MYCBP2: variants seen among roughly 807,000 people sequenced by gnomAD.
The protein encoded by MYCBP2 is E3 ubiquitin-protein ligase MYCBP2.
In MYCBP2, 120 loss-of-function variants were observed where a neutral mutation model predicts 525.3. The observed-to-expected ratio is 0.23, with a 90% confidence interval of 0.20 to 0.27. MYCBP2 has a LOEUF of 0.27. Ranked by LOEUF, MYCBP2 falls within the 10% of genes least tolerant of loss-of-function variation. MYCBP2 has a pLI of 1.00. For missense variants in MYCBP2, 4,149 were observed against 5,657.1 expected (o/e 0.73, Z 8.55); for synonymous variants, 1,894 against 1,955.8 (o/e 0.97, Z 0.83).
chr13:77,053,513 C>T (rs1478994972), intron 80 of MYCBP2, among the ~76,000 whole-genome samples: 1 of 152,204 alleles, frequency 6.6e-6, no homozygotes, highest in Non-Finnish European at 1.5e-5. Flanking sequence ...ACCAGCTAAA[C>T]CTAACCCTGG....
intron 13 of MYCBP2, among the ~76,000 whole-genome samples, chr13:77,259,091 C>G (rs1160915805): frequency 6.6e-6 from 1 of 152,034 alleles, no homozygotes; most frequent in Admixed American, 6.6e-5. Flanking sequence ...CTCGTCTCTA[C>G]TAAAAATACA....
Position 77,211,974 on chromosome 13 carries a change from C to A in MYCBP2, c.3244G>T (p.Ala1082Ser). The A allele has an allele frequency of 6.2e-7, 1 of 1,613,822 alleles. No individual in the cohort carries two copies. Among genetic ancestry groups the A allele is most frequent in the Non-Finnish European group, 8.5e-7 (1 of 1,179,832 alleles). ...SHVLATSEIF[A>S]SKHIIGLVPA... Reference sequence around the variant, plus strand: ...GTATTACCTATTATGTGTTTACTGGCAAAAATTTCTGATGTAGCAAGTACA... The same window carrying A: ...GTATTACCTATTATGTGTTTACTGGAAAAAATTTCTGATGTAGCAAGTACA... The change falls in exon 22 of 83, where the codon GCC becomes TCC. Residue 1082 changes from alanine (A) to serine (S), a missense_variant. Around this residue, in one of 21 missense-constraint regions of MYCBP2, gnomAD observed 620 missense variants for 795.5 expected, o/e 0.78. Coordinates refer to ENST00000544440, the MANE Select transcript of MYCBP2 (RefSeq NM_015057.5).
intron 52 of MYCBP2, among the ~76,000 whole-genome samples, chr13:77,127,323 C>T (rs559189412): frequency 2.6e-5 from 4 of 151,746 alleles, no homozygotes; most frequent in Non-Finnish European, 5.9e-5. Flanking sequence ...ATGAAAGAAC[C>T]TTCCCTAAAT....
chr13:77,225,578 T>C, intron 18 of MYCBP2, 24 bp from the exon 19 acceptor site: 1 of 1,612,356 alleles, frequency 6.2e-7, no homozygotes, highest in Non-Finnish European at 8.5e-7. Context: ...AATTTGTGAA[T>C]TATGATTAAG....
In MYCBP2 at chr13:77,313,970, T is replaced by C. The variant is rs561233921; in HGVS notation, c.302+12504A>G. Reference sequence around the variant, plus strand: ...AAAACGAGATTCTACTACACACCTATCAGAATGGCCAAAATCCAGAACATA... The same window carrying C: ...AAAACGAGATTCTACTACACACCTACCAGAATGGCCAAAATCCAGAACATA... On this transcript the variant is annotated intron_variant, in intron 1 of 82. Coordinates refer to ENST00000544440, the MANE Select transcript of MYCBP2 (RefSeq NM_015057.5). 1.3e-4 allele frequency among the ~76,000 whole-genome samples: 20 copies of C among 151,976 alleles called. No individual in the cohort carries two copies. In the South Asian group the frequency reaches 3.9e-3, roughly 30 times the overall value.
intron 3 of MYCBP2, among the ~76,000 whole-genome samples, chr13:77,284,458 G>A (rs937900650): frequency 2.0e-5 from 3 of 152,186 alleles, no homozygotes; most frequent in East Asian, 3.9e-4. Flanking sequence ...GACTAATTTC[G>A]TCCTCAGTGT....
intron 1 of MYCBP2, among the ~76,000 whole-genome samples, chr13:77,323,371 AACTC>A (rs1225630000): frequency 6.6e-6 from 1 of 152,196 alleles, no homozygotes; most frequent in Non-Finnish European, 1.5e-5. Context: ...ATTGACTGAT[AACTC>A]ACTCATCATG....
At chr13:77,047,261 C>T (rs1448329464) in intron 82 of MYCBP2, among the ~76,000 whole-genome samples, 2 of 152,030 alleles carry the variant, frequency 1.3e-5, no homozygotes, top group Non-Finnish European at 2.9e-5. Flanking sequence ...GAGGCAGAAA[C>T]GATTATCCTC....
Position 77,256,576 on chromosome 13 carries a change from A to G in MYCBP2, c.2176+1095T>C, listed in dbSNP as rs190744833. ...ATTAAAAAATGTGAAAAAGTTCTGA[A>G]TAGACATTTTTCAAAAGTAGACATA... On this transcript the variant is annotated intron_variant, in intron 14 of 82. Coordinates refer to ENST00000544440, the MANE Select transcript of MYCBP2 (RefSeq NM_015057.5). 4.6e-3 allele frequency among the ~76,000 whole-genome samples: 705 copies of G among 152,226 alleles called. 3 individuals are homozygous for G. The highest frequency in any genetic ancestry group is 9.4e-3 in the Admixed American group (144 of 15,282).
Position 77,051,013 on chromosome 13 carries a change from T to C in MYCBP2, c.13905A>G (p.Leu4635=). The change falls in exon 82 of 83, where the codon CTA becomes CTG. Residue 4635 remains leucine (L), a synonymous_variant. Transcript: ENST00000544440. The part of the protein sequence containing the change: ...QRMTSIPKEE[L]PHCPAGPKGK... ...AAAGCATACCTGCAGGACAGTGTGG[T>C]AGTTCTTCCTTAGGAATGCTAGTCA... 6.2e-7 allele frequency: 1 copy of C among 1,612,624 alleles called. No individual in the cohort carries two copies. The highest frequency in any genetic ancestry group is 8.5e-7 in the Non-Finnish European group (1 of 1,179,478).
chr13:77,052,610 T>G (rs573619007), intron 80 of MYCBP2, among the ~76,000 whole-genome samples: 11 of 152,368 alleles, frequency 7.2e-5, no homozygotes, highest in Non-Finnish European at 1.5e-4. Context: ...TATTAAGTAG[T>G]AAAAGCTATG....
At chr13:77,267,615 G>A (rs974269435) in intron 8 of MYCBP2, among the ~76,000 whole-genome samples, 2 of 151,938 alleles carry the variant, frequency 1.3e-5, no homozygotes, top group East Asian at 1.9e-4. Flanking sequence ...GGCCATAGAC[G>A]GCCAAGTTTG....
chr13:77,088,366 G>A (rs1355282813), intron 61 of MYCBP2, among the ~76,000 whole-genome samples: 2 of 151,894 alleles, frequency 1.3e-5, no homozygotes, highest in Non-Finnish European at 2.9e-5. Context: ...GAAGTGGTAG[G>A]TTATTTATCA....
chr13:77,059,477 C>T (rs1185295769), intron 77 of MYCBP2, 46 bp downstream of exon 77: 3 of 1,402,966 alleles, frequency 2.1e-6, no homozygotes, highest in Admixed American at 3.4e-5. Context: ...AAAGGTGTCA[C>T]AGGGGAACAT....
At chr13:77,110,573 C>A (rs2048651641) in intron 55 of MYCBP2, among the ~76,000 whole-genome samples, 1 of 152,098 alleles carries the variant, frequency 6.6e-6, no homozygotes, top group Non-Finnish European at 1.5e-5. Flanking sequence ...ATCTTTGTGA[C>A]CTACTCCCTG....
chr13:77,108,066 G>A (rs1004173322), intron 55 of MYCBP2, among the ~76,000 whole-genome samples: 1 of 152,094 alleles, frequency 6.6e-6, no homozygotes, highest in Admixed American at 6.6e-5. Flanking sequence ...AAAGAATCAT[G>A]CTAATAGAAT....
intron 26 of MYCBP2, 125 bp downstream of exon 26, chr13:77,205,131 A>G: frequency 1.3e-6 from 1 of 783,806 alleles, no homozygotes. Context: ...TTTAAAAAGA[A>G]GCATTAAAAA....
rs2061304371 is a variant in MYCBP2 at position 77,191,583 on chromosome 13, G to A, written c.4070+96C>T. The A allele has an allele frequency of 2.1e-6, 3 of 1,411,954 alleles. No individual in the cohort carries two copies. In the Admixed American group the frequency reaches 6.6e-5, roughly 31 times the overall value. 87.5% of individuals were successfully genotyped at this position (1,411,954 alleles called of 1,614,324 possible). On this transcript the variant is annotated intron_variant, in intron 28 of 82. Coordinates refer to ENST00000544440, the MANE Select transcript of MYCBP2 (RefSeq NM_015057.5). Reference sequence around the variant, plus strand: ...TTATATTATGCTCTAGTCTTCCTAAGCTTTTGAATCCTGCTGAAAGTACTC... The same window carrying A: ...TTATATTATGCTCTAGTCTTCCTAAACTTTTGAATCCTGCTGAAAGTACTC...
chr13:77,283,047 CGGAGTACAAAGTTACTTACTAACT>C (rs2076363014), intron 3 of MYCBP2, among the ~76,000 whole-genome samples: 3 of 151,942 alleles, frequency 2.0e-5, no homozygotes, highest in South Asian at 4.2e-4. Flanking sequence ...CCTTACTAAC[CGGAGTACAAAGTTACTTACTAACT>C]GGAGTACAAA....
Sources: allele counts gnomAD v4.1 joint callset (sites outside exome capture counted in the v4.1 genomes callset), GRCh38; gene constraint gnomAD v4.1.1; regional missense constraint gnomAD v4.1.1; transcripts MANE v1.5; gene names NCBI Gene and HGNC (gene_info 2026-07-23, HGNC 2026-07-21).